Variants in KLF12 observed in about 807,000 individuals in gnomAD.
The protein encoded by KLF12 is Krueppel-like factor 12.
In KLF12, 9 loss-of-function variants were observed where a neutral mutation model predicts 37.8. The ratio of observed to expected loss-of-function variants is 0.24; its 90% CI spans 0.14 to 0.42. The LOEUF (loss-of-function observed/expected upper bound fraction) is 0.42. KLF12 is among the 10% of genes least tolerant of loss of function. The pLI, the probability that KLF12 is intolerant of heterozygous loss-of-function variation, is 1.00. For synonymous variants in KLF12, 208 were observed against 202.1 expected (o/e 1.03, Z -0.25); for missense variants, 411 against 516.0 (o/e 0.80, Z 1.97).
chr13:74,036,686 G>A (rs541597196), intron 1 of KLF12, among the ~76,000 whole-genome samples: 4 of 152,198 alleles, frequency 2.6e-5, no homozygotes, highest in East Asian at 1.9e-4. Flanking sequence ...CAGGAGGCAG[G>A]GTAGAAAAAG....
intron 1 of KLF12, among the ~76,000 whole-genome samples, chr13:74,132,103 A>C (rs1226584845): frequency 6.6e-6 from 1 of 152,214 alleles, no homozygotes; most frequent in Admixed American, 6.5e-5. Context: ...GTCTGAGAAT[A>C]GCACAAGCAA....
intron 1 of KLF12, among the ~76,000 whole-genome samples, chr13:74,038,567 C>T (rs568397382): frequency 6.6e-6 from 1 of 152,210 alleles, no homozygotes; most frequent in Non-Finnish European, 1.5e-5. Flanking sequence ...AGTCCAGCTC[C>T]ACATTAAAGC....
chr13:74,205,107 C>G, the KLF12 span, among the ~76,000 whole-genome samples: 1 of 152,060 alleles, frequency 6.6e-6, no homozygotes, highest in African/African-American at 2.4e-5. Flanking sequence ...GTGGCTTGCT[C>G]TGTGAATAGC....
chr13:74,068,706 G>A lies in KLF12; in HGVS notation c.-32+65033C>T, dbSNP rs189095294. ...TCAGTAGCTGGGACCACAGGCATGC[G>A]TCATAACACTCAGCTAATTTTCGTA... is the stretch of plus-strand genomic sequence containing the variant. On this transcript the variant is annotated intron_variant, in intron 1 of 7. Coordinates refer to ENST00000377669, the MANE Select transcript of KLF12 (RefSeq NM_007249.5). 1.6e-4 allele frequency among the ~76,000 whole-genome samples: 25 copies of A among 152,002 alleles called. No individual in the cohort carries two copies. The East Asian group carries it at 3.7e-3, about 22-fold the overall frequency.
At chr13:74,007,026 G>A (rs1349897886) in intron 1 of KLF12, among the ~76,000 whole-genome samples, 2 of 151,996 alleles carry the variant, frequency 1.3e-5, no homozygotes, top group African/African-American at 4.8e-5. Context: ...AAGAGGAAGG[G>A]GTTTCCTCCT....
chr13:74,015,467 C>T (rs1892663667), intron 1 of KLF12, among the ~76,000 whole-genome samples: 1 of 152,194 alleles, frequency 6.6e-6, no homozygotes, highest in African/African-American at 2.4e-5. Context: ...CAGTAAATGA[C>T]GATTGTTATC....
chr13:73,908,505 G>T (rs1468758450), intron 3 of KLF12, among the ~76,000 whole-genome samples: 6 of 150,524 alleles, frequency 4.0e-5, no homozygotes, highest in Non-Finnish European at 7.4e-5. Flanking sequence ...TTTTGAGATG[G>T]AGTTTCGCTC....
chr13:73,718,603 C>G (rs1360748747), intron 6 of KLF12, among the ~76,000 whole-genome samples: 1 of 152,108 alleles, frequency 6.6e-6, no homozygotes, highest in African/African-American at 2.4e-5. Context: ...CCAAAACACA[C>G]AAAAATTAGC....
intron 1 of KLF12, among the ~76,000 whole-genome samples, chr13:74,055,107 T>C (rs2138617717): frequency 6.6e-6 from 1 of 152,312 alleles, no homozygotes; most frequent in South Asian, 2.1e-4. Context: ...CAGCAGCCAC[T>C]GACATTTACC....
the KLF12 span, among the ~76,000 whole-genome samples, chr13:74,285,312 C>T: frequency 6.6e-6 from 1 of 151,916 alleles, no homozygotes; most frequent in Non-Finnish European, 1.5e-5. Context: ...TGCATAATAA[C>T]AATAGCTGGC....
intron 3 of KLF12, among the ~76,000 whole-genome samples, chr13:73,870,488 C>T (rs181048930): frequency 3.3e-5 from 5 of 152,260 alleles, no homozygotes; most frequent in Admixed American, 2.0e-4. Context: ...TTTATTCTGA[C>T]ATAGAGATAA....
chr13:74,053,866 A>G (rs1290721875), intron 1 of KLF12, among the ~76,000 whole-genome samples: 2 of 152,192 alleles, frequency 1.3e-5, no homozygotes, highest in Non-Finnish European at 2.9e-5. Context: ...TTTAGTCACA[A>G]TGAATGGTAA....
At chr13:74,036,736 CCATTAACCTGATCTTCCAGCA>C (rs1893255635) in intron 1 of KLF12, among the ~76,000 whole-genome samples, 1 of 152,116 alleles carries the variant, frequency 6.6e-6, no homozygotes, top group African/African-American at 2.4e-5. Flanking sequence ...CAAGGAAGTT[CCATTAACCTGATCTTCCAGCA>C]CAATGAAATG....
At chr13:74,221,726 A>G in the KLF12 span, among the ~76,000 whole-genome samples, 17 of 152,294 alleles carry the variant, frequency 1.1e-4, no homozygotes, top group East Asian at 9.6e-4. Flanking sequence ...TTAATATGCA[A>G]TTTGAAGAGA....
At chr13:74,220,460 T>C in the KLF12 span, among the ~76,000 whole-genome samples, 2 of 152,244 alleles carry the variant, frequency 1.3e-5, no homozygotes, top group African/African-American at 4.8e-5. Context: ...TTGATATATG[T>C]ATACAAAGTG....
chr13:73,763,696 A>C (rs547187862), intron 6 of KLF12, among the ~76,000 whole-genome samples: 1 of 152,178 alleles, frequency 6.6e-6, no homozygotes, highest in South Asian at 2.1e-4. Flanking sequence ...TACTCTACCC[A>C]TTAGCTTGTG....
chr13:74,273,448 C>CT, the KLF12 span, among the ~76,000 whole-genome samples: 5,403 of 145,216 alleles, frequency 0.037, 145 homozygotes, highest in Middle Eastern at 0.072. Context: ...TTATATCCAG[C>CT]TTTTTTTTTT....
chr13:73,788,591 T>C (rs1365524026), intron 5 of KLF12, among the ~76,000 whole-genome samples: 1 of 152,180 alleles, frequency 6.6e-6, no homozygotes, highest in African/African-American at 2.4e-5. Context: ...ACCTTTGTGC[T>C]CGTATATCAA....
At chr13:74,075,109 G>T (rs969800883) in intron 1 of KLF12, among the ~76,000 whole-genome samples, 1 of 152,114 alleles carries the variant, frequency 6.6e-6, no homozygotes, top group South Asian at 2.1e-4. Context: ...AGGAATAAAA[G>T]GAAAGGAAGA....
Sources: gnomAD v4.1 joint callset for allele counts (sites outside exome capture counted in the v4.1 genomes callset) on GRCh38, gnomAD v4.1.1 for gene constraint, MANE v1.5 for transcripts, NCBI Gene and HGNC (gene_info 2026-07-23, HGNC 2026-07-21) for gene names.